The following SH3GL2 variants were observed in gnomAD, a reference collection of about 807,000 sequenced individuals.
The protein encoded by SH3GL2 is endophilin-A1.
Under a neutral mutation model 46.0 loss-of-function variants are expected in SH3GL2, and 24 were observed. The observed-to-expected ratio is 0.52, with a 90% confidence interval of 0.38 to 0.73. SH3GL2 has a LOEUF of 0.73. Ranked by LOEUF, SH3GL2 falls within the 30% of genes least tolerant of loss-of-function variation. The pLI, the probability that SH3GL2 is intolerant of heterozygous loss-of-function variation, is 0.00. For synonymous variants in SH3GL2, 196 were observed against 147.1 expected (o/e 1.33, Z -2.40); for missense variants, 413 against 424.2 (o/e 0.97, Z 0.23).
intron 1 of SH3GL2, among the ~76,000 whole-genome samples, chr9:17,671,946 A>C (rs1269703394): frequency 6.6e-6 from 1 of 152,204 alleles, no homozygotes; most frequent in Admixed American, 6.5e-5. Flanking sequence ...GATTGTACTC[A>C]TACCTTGACA....
chr9:17,652,681 C>G (rs993946155), intron 1 of SH3GL2, among the ~76,000 whole-genome samples: 4 of 152,120 alleles, frequency 2.6e-5, no homozygotes, highest in African/African-American at 9.7e-5. Flanking sequence ...TGAGCACCAA[C>G]ATGACACTCA....
chr9:17,631,564 C>T (rs1192462906), intron 1 of SH3GL2, among the ~76,000 whole-genome samples: 2 of 152,116 alleles, frequency 1.3e-5, no homozygotes, highest in African/African-American at 4.8e-5. Context: ...AAACAAAGCC[C>T]ATCATACTGG....
rs773796577 is a variant in SH3GL2 at position 17,761,439 on chromosome 9, A to G, written c.117A>G (p.Lys39=). Reference sequence around the variant, plus strand: ...GAGCACTTATTTTCTCATTTCAGAAAGTGGATGTCACCAGCAGGGCTGTGA... The same window carrying G: ...GAGCACTTATTTTCTCATTTCAGAAGGTGGATGTCACCAGCAGGGCTGTGA... ...LDDDFKEMER[K]VDVTSRAVME... Residue 39 remains lysine, a splice_region_variant and synonymous_variant, in exon 3 of 9, where the codon AAA becomes AAG. Transcript: ENST00000380607. The G allele has an allele frequency of 1.3e-6, 2 of 1,598,356 alleles. No individual in the cohort carries two copies. The highest frequency in any genetic ancestry group is 1.7e-6 in the Non-Finnish European group (2 of 1,165,564).
intron 1 of SH3GL2, among the ~76,000 whole-genome samples, chr9:17,729,641 G>A (rs1822118491): frequency 6.6e-6 from 1 of 152,144 alleles, no homozygotes; most frequent in South Asian, 2.1e-4. Flanking sequence ...TTTTGTATAA[G>A]GTGTAAGGAA....
chr9:17,756,924 C>G (rs1269106022), intron 2 of SH3GL2, among the ~76,000 whole-genome samples: 1 of 152,134 alleles, frequency 6.6e-6, no homozygotes, highest in Non-Finnish European at 1.5e-5. Context: ...ATGGTTGAAC[C>G]AGTTTACATT....
At chr9:17,777,520 C>G (rs140604064) in intron 3 of SH3GL2, among the ~76,000 whole-genome samples, 1 of 152,114 alleles carries the variant, frequency 6.6e-6, no homozygotes, top group South Asian at 2.1e-4. Context: ...GCTGCCATAA[C>G]AAAATATCAT....
intron 1 of SH3GL2, among the ~76,000 whole-genome samples, chr9:17,731,829 G>T (rs1822193094): frequency 1.3e-5 from 2 of 152,062 alleles, no homozygotes; most frequent in African/African-American, 4.8e-5. Flanking sequence ...CATCGGTGCT[G>T]GTCTCTTGGA....
chr9:17,772,953 A>G (rs1208763486), intron 3 of SH3GL2, among the ~76,000 whole-genome samples: 1 of 152,174 alleles, frequency 6.6e-6, no homozygotes, highest in Non-Finnish European at 1.5e-5. Flanking sequence ...TCTCACCAAC[A>G]GTGCACAAGG....
intron 3 of SH3GL2, among the ~76,000 whole-genome samples, chr9:17,768,973 C>G (rs988409597): frequency 6.6e-6 from 1 of 152,216 alleles, no homozygotes; most frequent in African/African-American, 2.4e-5. Context: ...CTCGCTCCTT[C>G]TGAGCTAGCC....
rs554453102 is a variant in SH3GL2, at chr9:17,737,658, C to T, written c.46-9408C>T. Among the ~76,000 whole-genome samples, 4 of 152,216 alleles carry T rather than the reference C, an allele frequency of 2.6e-5. No individual in the cohort carries two copies. In the East Asian group the frequency reaches 7.8e-4, roughly 29 times the overall value. The stretch of plus-strand genomic sequence containing the variant: ...TTTGACTGTTATGACCTCTTTCTTT[C>T]CTGATTATCCCTTTACTTTCTGTTT... On this transcript the variant is annotated intron_variant, in intron 1 of 8. Coordinates refer to ENST00000380607, the MANE Select transcript of SH3GL2 (RefSeq NM_003026.5).
intron 1 of SH3GL2, among the ~76,000 whole-genome samples, chr9:17,701,537 C>T (rs1324999967): frequency 3.3e-5 from 5 of 151,842 alleles, no homozygotes; most frequent in African/African-American, 9.7e-5. Flanking sequence ...TACCGTCATT[C>T]GATGATATGA....
chr9:17,666,545 C>CGTGTGTGTGTGTGTGTGTGTGT (rs71331502), intron 1 of SH3GL2, among the ~76,000 whole-genome samples: 1 of 142,046 alleles, frequency 7.0e-6, no homozygotes, highest in Non-Finnish European at 1.5e-5. Context: ...ACAAAGGTAA[C>CGTGTGTGTGTGTGTGTGTGTGT]GTGTGTGTGT....
intron 7 of SH3GL2, 79 bp from the exon 8 acceptor site, chr9:17,793,288 C>T: frequency 7.5e-7 from 1 of 1,324,620 alleles, no homozygotes; most frequent in Non-Finnish European, 1.1e-6. Flanking sequence ...CCAAGCATTT[C>T]CTGAATCTTT....
chr9:17,786,730 C>T (rs925150939), intron 4 of SH3GL2, among the ~76,000 whole-genome samples: 2 of 152,134 alleles, frequency 1.3e-5, no homozygotes, highest in African/African-American at 4.8e-5. Context: ...TCCCACCCCC[C>T]CCACTATAAG....
intron 3 of SH3GL2, among the ~76,000 whole-genome samples, chr9:17,763,263 G>A (rs1823230686): frequency 6.6e-6 from 1 of 152,208 alleles, no homozygotes; most frequent in Admixed American, 6.5e-5. Flanking sequence ...GTAGGTAGGT[G>A]TGGTGGGTTG....
intron 3 of SH3GL2, among the ~76,000 whole-genome samples, chr9:17,770,101 G>A (rs1823429357): frequency 6.6e-6 from 1 of 152,184 alleles, no homozygotes; most frequent in Non-Finnish European, 1.5e-5. Context: ...TTACAGATCA[G>A]TATCAGAGCT....
chr9:17,727,933 G>C (rs1475561612), intron 1 of SH3GL2, among the ~76,000 whole-genome samples: 1 of 152,044 alleles, frequency 6.6e-6, no homozygotes, highest in Non-Finnish European at 1.5e-5. Flanking sequence ...GAGGACTCCA[G>C]ACTAAGACAG....
intron 1 of SH3GL2, among the ~76,000 whole-genome samples, chr9:17,579,753 G>T (rs573555509): frequency 6.6e-6 from 1 of 152,286 alleles, no homozygotes; most frequent in East Asian, 1.9e-4. Context: ...GAGGCCGGCG[G>T]TTTGCGCTCC....
chr9:17,673,551 T>A (rs1166146781), intron 1 of SH3GL2, among the ~76,000 whole-genome samples: 2 of 152,094 alleles, frequency 1.3e-5, no homozygotes, highest in African/African-American at 4.8e-5. Flanking sequence ...CTGACCACAT[T>A]GTTCCCCTTT....
Sources: allele counts gnomAD v4.1 joint callset (sites outside exome capture counted in the v4.1 genomes callset), GRCh38; gene constraint gnomAD v4.1.1; transcripts MANE v1.5; gene names NCBI Gene and HGNC (gene_info 2026-07-23, HGNC 2026-07-21).